DDAH1: variants seen among roughly 807,000 people sequenced by gnomAD.
The protein encoded by DDAH1 is N(G),N(G)-dimethylarginine dimethylaminohydrolase 1.
A neutral mutation model predicts 28.8 loss-of-function variants in DDAH1; 19 were observed. That is an observed-to-expected ratio of 0.66 (90% confidence interval 0.46 to 0.97). The LOEUF is 0.97. Ranked by LOEUF, DDAH1 falls within the 50% of genes least tolerant of loss-of-function variation. The pLI, the probability that DDAH1 is intolerant of heterozygous loss-of-function variation, is 0.00. For missense variants in DDAH1, 326 were observed against 375.9 expected (o/e 0.87, Z 1.10); for synonymous variants, 153 against 154.4 (o/e 0.99, Z 0.07).
In DDAH1 at chr1:85,351,593, C is replaced by A. The variant is rs1306373056; in HGVS notation, c.404-14G>T. 1.2e-6 allele frequency: 2 copies of A among 1,608,526 alleles called. No individual in the cohort carries two copies. The highest frequency in any genetic ancestry group is 1.7e-6 in the Non-Finnish European group (2 of 1,175,090). Reference sequence around the variant, plus strand: ...AAAATTCTCTGCCTGTAATAGATGTCATGGAACATAGTGAGCAGGTGGCAC... The same window carrying A: ...AAAATTCTCTGCCTGTAATAGATGTAATGGAACATAGTGAGCAGGTGGCAC... On this transcript the variant is annotated splice_polypyrimidine_tract_variant and intron_variant, in intron 2 of 5. Transcript: ENST00000284031.
chr1:85,526,482 C>T (rs1296733279), intron 1 of DDAH1, among the ~76,000 whole-genome samples: 16 of 152,134 alleles, frequency 1.1e-4, no homozygotes, highest in Admixed American at 9.2e-4. Flanking sequence ...TCAGAGCGCC[C>T]GGATCTAGGT....
chr1:85,321,065 G>GAAAAAAAACAAAAAAAAAAAAAAA lies in DDAH1; in HGVS notation c.*386_*387insTTTTTTTTTTTTTTTGTTTTTTTT, dbSNP rs1661312958. ...TTCACAGGAACCAAACATGATTCAT[G>GAAAAAAAACAAAAAAAAAAAAAAA]AAAAAAAAAAAAAAAAAAAGCAAGC... On this transcript the variant is annotated 3_prime_UTR_variant, in exon 6 of 6. Coordinates refer to ENST00000284031, the MANE Select transcript of DDAH1 (RefSeq NM_012137.4). 1.4e-5 allele frequency: 1 copy of GAAAAAAAACAAAAAAAAAAAAAAA among 73,290 alleles called. No homozygotes were observed. The highest frequency in any genetic ancestry group is 6.0e-5 in the African/African-American group (1 of 16,736). 4.5% of individuals were successfully genotyped at this position (73,290 alleles called of 1,614,324 possible).
chr1:85,532,764 C>T (rs1243010349), intron 1 of DDAH1, among the ~76,000 whole-genome samples: 2 of 152,138 alleles, frequency 1.3e-5, no homozygotes, highest in Admixed American at 1.3e-4. Flanking sequence ...CCAAAATGAG[C>T]CCCCAGGTTT....
intron 1 of DDAH1, among the ~76,000 whole-genome samples, chr1:85,369,245 A>C (rs1305819246): frequency 7.1e-6 from 1 of 140,548 alleles, no homozygotes. Context: ...TTTTTTGTAG[A>C]GATGGGGTCT....
At chr1:85,490,369 T>C (rs1570603276) in intron 2 of DDAH1, among the ~76,000 whole-genome samples, 1 of 152,196 alleles carries the variant, frequency 6.6e-6, no homozygotes, top group East Asian at 1.9e-4. Context: ...AAACACTGAC[T>C]CTTCACCCAG....
At chr1:85,342,963 C>T (rs1488117056) in intron 4 of DDAH1, among the ~76,000 whole-genome samples, 2 of 152,166 alleles carry the variant, frequency 1.3e-5, no homozygotes, top group Admixed American at 1.3e-4. Context: ...TCACTAGGAA[C>T]CACTAATTTA....
chr1:85,431,736 G>A (rs1466656882), intron 1 of DDAH1, among the ~76,000 whole-genome samples: 1 of 152,134 alleles, frequency 6.6e-6, no homozygotes, highest in Non-Finnish European at 1.5e-5. Context: ...CCTCCATCCT[G>A]ACAATGCTAA....
chr1:85,523,258 T>A (rs1317729308), intron 1 of DDAH1, among the ~76,000 whole-genome samples: 7 of 152,178 alleles, frequency 4.6e-5, no homozygotes, highest in Non-Finnish European at 5.9e-5. Context: ...GGACGCCTAC[T>A]GATGCAGCAG....
At chr1:85,493,187 C>G (rs748440402) in intron 2 of DDAH1, among the ~76,000 whole-genome samples, 60 of 151,992 alleles carry the variant, frequency 3.9e-4, no homozygotes, top group South Asian at 1.9e-3. Flanking sequence ...TTTTAAAAGA[C>G]TGTTTTTATA....
At chr1:85,415,489 G>T (rs956775418) in intron 1 of DDAH1, among the ~76,000 whole-genome samples, 3 of 152,014 alleles carry the variant, frequency 2.0e-5, no homozygotes, top group Non-Finnish European at 4.4e-5. Flanking sequence ...TTAATTGCAG[G>T]GTTGCTCATA....
chr1:85,459,777 G>C (rs1278444642), intron 1 of DDAH1, among the ~76,000 whole-genome samples: 1 of 152,146 alleles, frequency 6.6e-6, no homozygotes, highest in Non-Finnish European at 1.5e-5. Context: ...GGCCATTTAG[G>C]GGGTTATATA....
chr1:85,481,907 C>T (rs1656026959), intron 2 of DDAH1, among the ~76,000 whole-genome samples: 1 of 152,204 alleles, frequency 6.6e-6, no homozygotes. Context: ...TACAGTCTGG[C>T]CAGCTTGGCC....
intron 2 of DDAH1, among the ~76,000 whole-genome samples, chr1:85,484,762 C>T (rs919103931): frequency 1.3e-5 from 2 of 152,218 alleles, no homozygotes; most frequent in East Asian, 3.8e-4. Flanking sequence ...ATCACCATCT[C>T]GCTCAGTAAC....
intron 1 of DDAH1, among the ~76,000 whole-genome samples, chr1:85,559,936 A>T (rs2100803202): frequency 6.6e-6 from 1 of 152,254 alleles, no homozygotes; most frequent in Middle Eastern, 3.4e-3. Flanking sequence ...AAAATTTCCC[A>T]ATTTGATAAA....
At position 85,461,288 on chromosome 1, in the gene DDAH1, T is replaced by C. The variant is rs190787573; in HGVS notation, c.303+3455A>G. 1.8e-3 allele frequency among the ~76,000 whole-genome samples: 279 copies of C among 152,336 alleles called. 1 individual carries two copies. The highest frequency in any genetic ancestry group is 6.3e-3 in the African/African-American group (263 of 41,578). On this transcript the variant is annotated intron_variant, in intron 1 of 5. Transcript: ENST00000284031. ...ATTAACATTATTTACTGACTTTCTGTAAATACAGTTTCCTTCACTAAAACT... is the reference window on the plus strand; with the variant it reads ...ATTAACATTATTTACTGACTTTCTGCAAATACAGTTTCCTTCACTAAAACT...
intron 1 of DDAH1, among the ~76,000 whole-genome samples, chr1:85,397,857 C>G (rs950612396): frequency 6.6e-6 from 1 of 152,092 alleles, no homozygotes; most frequent in African/African-American, 2.4e-5. Context: ...AGGCCTCTCT[C>G]GCTATGTGAC....
chr1:85,449,806 G>T (rs1654584764), intron 1 of DDAH1, among the ~76,000 whole-genome samples: 1 of 152,174 alleles, frequency 6.6e-6, no homozygotes, highest in Non-Finnish European at 1.5e-5. Flanking sequence ...GGCAGATGAA[G>T]TTGGGAGGTG....
chr1:85,483,732 AGACCACGGATCGCG>A, intron 2 of DDAH1, among the ~76,000 whole-genome samples: 1 of 152,330 alleles, frequency 6.6e-6, no homozygotes, highest in African/African-American at 2.4e-5. Context: ...TCTGAATTGC[AGACCACGGATCGCG>A]GACCTGTATG....
intron 1 of DDAH1, chr1:85,380,386 A>G (rs1012696193): frequency 6.6e-6 from 1 of 152,152 alleles, no homozygotes; most frequent in Non-Finnish European, 1.5e-5. Context: ...GACATTCACA[A>G]TGAGCATTTA....
Sources: allele counts gnomAD v4.1 joint callset (sites outside exome capture counted in the v4.1 genomes callset), GRCh38; gene constraint gnomAD v4.1.1; transcripts MANE v1.5; gene names NCBI Gene and HGNC (gene_info 2026-07-23, HGNC 2026-07-21).